Variants in AHRR observed in about 807,000 individuals in gnomAD.
The protein encoded by AHRR is ahR repressor.
Under a neutral mutation model 44.0 loss-of-function variants are expected in AHRR, and 28 were observed. That is an observed-to-expected ratio of 0.64 (90% CI 0.47 to 0.87). The LOEUF is 0.87. Ranked by LOEUF, AHRR falls within the 40% of genes least tolerant of loss-of-function variation. The pLI, the probability that AHRR is intolerant of heterozygous loss-of-function variation, is 0.00. For synonymous variants in AHRR, 434 were observed against 407.0 expected (o/e 1.07, Z -0.80); for missense variants, 990 against 953.9 (o/e 1.04, Z -0.50).
Position 343,926 on chromosome 5 carries a change from G to C in AHRR, c.24G>C (p.Thr8=), listed in dbSNP as rs779740302. 1 of 1,600,850 alleles carries C rather than the reference G, an allele frequency of 6.2e-7. No individual in the cohort carries two copies. Among genetic ancestry groups the C allele is most frequent in the Non-Finnish European group, 8.5e-7 (1 of 1,174,372 alleles). Residue 8 remains threonine, a synonymous_variant, in exon 2 of 11, where the codon ACG becomes ACC. Transcript: ENST00000684583. Reference sequence around the variant, plus strand: ...CGATGATCCCGCCGGGGGAGTGCACGTACGCGGGCCGGAAGCGGAGGAGGC... The same window carrying C: ...CGATGATCCCGCCGGGGGAGTGCACCTACGCGGGCCGGAAGCGGAGGAGGC... MIPPGEC[T]YAGRKRRRPL...
chr5:434,666 G>A lies in AHRR; in HGVS notation c.1926G>A (p.Gln642=). 6.4e-7 allele frequency: 1 copy of A among 1,567,966 alleles called. No individual in the cohort carries two copies. The highest frequency in any genetic ancestry group is 1.2e-5 in the South Asian group (1 of 85,570). ...HQLCARGRGE[Q]SCTCRAAEAA... ...TCTGTGCACGGGGCCGAGGTGAACA[G>A]TCCTGCACCTGCAGAGCTGCTGAGG... The change falls in exon 11 of 11, where the codon CAG becomes CAA. Residue 642 remains glutamine, a synonymous_variant. Coordinates refer to ENST00000684583, the MANE Select transcript of AHRR (RefSeq NM_001377236.1).
intron 3 of AHRR, among the ~76,000 whole-genome samples, chr5:371,444 CT>C (rs1356594614): frequency 6.6e-6 from 1 of 152,240 alleles, no homozygotes; most frequent in Non-Finnish European, 1.5e-5. Flanking sequence ...CTGCTCTAGG[CT>C]TTCTGAGTGA....
chr5:343,976 C>G lies in AHRR; in HGVS notation c.62+12C>G. The G allele has an allele frequency of 1.3e-6, 2 of 1,594,284 alleles. No homozygotes were observed. Among genetic ancestry groups the G allele is most frequent in the Non-Finnish European group, 1.7e-6 (2 of 1,171,356 alleles). ...CCCCTGCAGAAACAGTAAAGTATCC[C>G]GCCTTCTGCTTGTGTGGGTTGTTGC... On this transcript the variant is annotated intron_variant, in intron 2 of 10. Coordinates refer to ENST00000684583, the MANE Select transcript of AHRR (RefSeq NM_001377236.1).
intron 5 of AHRR, chr5:421,415 C>G (rs1736112777): frequency 3.6e-6 from 2 of 561,688 alleles, no homozygotes; most frequent in Non-Finnish European, 6.4e-6. Flanking sequence ...GACTCAGAGG[C>G]ACAGGCAGAA....
intron 4 of AHRR, among the ~76,000 whole-genome samples, chr5:377,455 C>T (rs1321179392): frequency 6.6e-6 from 1 of 152,132 alleles, no homozygotes; most frequent in Non-Finnish European, 1.5e-5. Context: ...GACAACATGA[C>T]ATTTCCTGGG....
chr5:328,185 G>A (rs1394188191), intron 1 of AHRR, among the ~76,000 whole-genome samples: 1 of 150,970 alleles, frequency 6.6e-6, no homozygotes, highest in Non-Finnish European at 1.5e-5. Context: ...TTTCCATAGA[G>A]GCTGTACTAG....
intron 2 of AHRR, among the ~76,000 whole-genome samples, chr5:349,957 C>T (rs921595118): frequency 6.6e-6 from 1 of 152,204 alleles, no homozygotes; most frequent in Non-Finnish European, 1.5e-5. Flanking sequence ...TTTCTAGACT[C>T]ACACCATTCT....
chr5:376,828 C>G, intron 4 of AHRR, 112 bp downstream of exon 4: 1 of 941,196 alleles, frequency 1.1e-6, no homozygotes, highest in South Asian at 1.5e-5. Flanking sequence ...ACCCAGGAGG[C>G]CCTTAGGTTG....
intron 3 of AHRR, among the ~76,000 whole-genome samples, chr5:363,031 CTTG>C (rs1743234191): frequency 1.3e-5 from 2 of 152,206 alleles, no homozygotes; most frequent in Non-Finnish European, 2.9e-5. Flanking sequence ...ACAGGCTGGG[CTTG>C]TTGATTAGTA....
At chr5:346,294 C>T (rs1047842916) in intron 2 of AHRR, among the ~76,000 whole-genome samples, 1 of 152,222 alleles carries the variant, frequency 6.6e-6, no homozygotes, top group African/African-American at 2.4e-5. Flanking sequence ...AGGCAGGGAG[C>T]CAGCCTGAAG....
intron 8 of AHRR, among the ~76,000 whole-genome samples, chr5:429,994 T>C (rs1736651406): frequency 2.6e-5 from 4 of 152,184 alleles, no homozygotes; most frequent in South Asian, 2.1e-4. Flanking sequence ...CCTCTGTGCA[T>C]GGACAGCCCC....
intron 8 of AHRR, among the ~76,000 whole-genome samples, chr5:431,082 G>A (rs1285762924): frequency 6.6e-6 from 1 of 152,190 alleles, no homozygotes; most frequent in Non-Finnish European, 1.5e-5. Flanking sequence ...TGGCAAGCCC[G>A]GTCTTCCCTG....
At position 370,109 on chromosome 5, in the gene AHRR, C is replaced by T. The variant is rs889347149; in HGVS notation, c.245-6501C>T. ...GAAGCCCCGTCCTCCCGGGCCCTCG[C>T]TGGAAGCCCCGTCCTCCCGGGCCCT... On this transcript the variant is annotated intron_variant, in intron 3 of 10. Transcript: ENST00000684583. The surrounding 1 kb of genome is among the most constrained non-coding windows in gnomAD (Gnocchi z 4.5). Among the ~76,000 whole-genome samples, 1 of 149,712 alleles carries T rather than the reference C, an allele frequency of 6.7e-6. No individual in the cohort carries two copies.
chr5:391,326 GGCGC>G (rs1289423523), intron 4 of AHRR, among the ~76,000 whole-genome samples: 6 of 131,412 alleles, frequency 4.6e-5, no homozygotes, highest in African/African-American at 1.1e-4. Context: ...AGCGTGCACG[GGCGC>G]AGGGCGAGGC....
At chr5:421,334 G>A (rs1326562094) in intron 5 of AHRR, 1 of 693,106 alleles carries the variant, frequency 1.4e-6, no homozygotes. Context: ...GGGGCAGGGG[G>A]ATGCCGGTGG....
At chr5:380,186 C>T (rs934457222) in intron 4 of AHRR, among the ~76,000 whole-genome samples, 4 of 152,188 alleles carry the variant, frequency 2.6e-5, no homozygotes, top group African/African-American at 9.6e-5. Context: ...TTCTATATAT[C>T]TGTATTTTTA....
chr5:359,715 C>A (rs1184353957), intron 3 of AHRR, among the ~76,000 whole-genome samples: 1 of 152,056 alleles, frequency 6.6e-6, no homozygotes, highest in African/African-American at 2.4e-5. Context: ...CTGTGTCCAT[C>A]CTGGAGCCCC....
chr5:413,389 T>A lies in AHRR; in HGVS notation c.397T>A (p.Phe133Ile). ...GGTCGTGAGTGCAGAAGGGACGATA[T>A]TTTATGCATCAGCAACGATCGTGGA... ...ALVVSAEGTI[F>I]YASATIVDYL... The change falls in exon 5 of 11, where the codon TTT becomes ATT. Residue 133 changes from phenylalanine to isoleucine, a missense_variant. Physicochemically the swap from Phe to Ile is conservative, Grantham distance 21. Transcript: ENST00000684583. 1 of 1,614,022 alleles carries A rather than the reference T, an allele frequency of 6.2e-7. No homozygotes were observed.
rs1245788880 is a variant in AHRR, at chr5:326,697, C to G, written c.-11+4878C>G. ...GCAGGTGCACCATTTTACATTTTCACCAGCAATGCACCAGAAACAGTTCCA... is the reference window on the plus strand; with the variant it reads ...GCAGGTGCACCATTTTACATTTTCAGCAGCAATGCACCAGAAACAGTTCCA... On this transcript the variant is annotated intron_variant, in intron 1 of 10. Coordinates refer to ENST00000684583, the MANE Select transcript of AHRR (RefSeq NM_001377236.1). This position sits in a 1 kb window ranked among gnomAD's most constrained non-coding sequence, Gnocchi z 4.1. Among the ~76,000 whole-genome samples, 1 of 152,126 alleles carries G rather than the reference C, an allele frequency of 6.6e-6. No individual in the cohort carries two copies. The highest frequency in any genetic ancestry group is 1.5e-5 in the Non-Finnish European group (1 of 68,024).
Sources: gnomAD v4.1 joint callset for allele counts (sites outside exome capture counted in the v4.1 genomes callset) on GRCh38, gnomAD v4.1.1 for gene constraint, Gnocchi (gnomAD v3.1) non-coding constraint, MANE v1.5 for transcripts, NCBI Gene and HGNC (gene_info 2026-07-23, HGNC 2026-07-21) for gene names.